CHCHD3: variants seen among roughly 807,000 people sequenced by gnomAD.
CHCHD3 encodes MICOS complex subunit MIC19.
A neutral mutation model predicts 38.2 loss-of-function variants in CHCHD3; 20 were observed. The ratio of observed to expected loss-of-function variants is 0.52; its 90% confidence interval spans 0.37 to 0.76. The LOEUF (loss-of-function observed/expected upper bound fraction) is 0.76, where lower values mean the gene tolerates loss of function less well. Among genes scored for constraint, CHCHD3 ranks in the 30% least tolerant of loss-of-function variants. The probability of loss-of-function intolerance (pLI) is 0.00; values close to 1 mark genes in which losing one functional copy is unlikely to be tolerated. For missense variants in CHCHD3, 245 were observed against 279.2 expected, an observed-to-expected ratio of 0.88 and a Z score of 0.87; for synonymous variants, 82 against 100.0, an observed-to-expected ratio of 0.82 and a Z score of 1.07.
intron 1 of CHCHD3, 86 bp downstream of exon 1, chr7:133,081,771 A>G (rs1248673385): frequency 7.2e-7 from 1 of 1,383,882 alleles, no homozygotes; most frequent in East Asian, 2.5e-5. Context: ...AGGACGGGAG[A>G]AACCCAGGCT....
intron 6 of CHCHD3, among the ~76,000 whole-genome samples, chr7:132,830,146 G>T (rs1045618228): frequency 2.6e-5 from 4 of 152,172 alleles, no homozygotes; most frequent in African/African-American, 9.7e-5. Flanking sequence ...ATTTTAGAAG[G>T]GGGGAAAAAG....
intron 4 of CHCHD3, among the ~76,000 whole-genome samples, chr7:132,916,818 C>T (rs1810117539): frequency 6.6e-6 from 1 of 152,006 alleles, no homozygotes; most frequent in Non-Finnish European, 1.5e-5. Flanking sequence ...GGGACTCAAG[C>T]AGTCCTCCCA....
At chr7:132,968,603 G>A (rs1443034232) in intron 4 of CHCHD3, among the ~76,000 whole-genome samples, 3 of 152,068 alleles carry the variant, frequency 2.0e-5, no homozygotes, top group African/African-American at 7.2e-5. Context: ...TTTTAACAGA[G>A]GTTATAATCC....
At chr7:132,953,969 G>A (rs1322847017) in intron 4 of CHCHD3, among the ~76,000 whole-genome samples, 1 of 152,180 alleles carries the variant, frequency 6.6e-6, no homozygotes, top group Non-Finnish European at 1.5e-5. Flanking sequence ...TGGAAATATG[G>A]AGAAGATTGT....
chr7:132,925,362 G>C (rs780396240), intron 4 of CHCHD3, among the ~76,000 whole-genome samples: 1 of 152,182 alleles, frequency 6.6e-6, no homozygotes, highest in Non-Finnish European at 1.5e-5. Context: ...TGGTACTACT[G>C]TGACTCTGGT....
chr7:132,882,361 C>T (rs1170802663), intron 5 of CHCHD3, among the ~76,000 whole-genome samples: 1 of 151,898 alleles, frequency 6.6e-6, no homozygotes, highest in African/African-American at 2.4e-5. Flanking sequence ...GTATATATTC[C>T]ACCTTAGCTT....
chr7:132,827,912 G>A (rs780521797), intron 6 of CHCHD3, among the ~76,000 whole-genome samples: 6 of 152,112 alleles, frequency 3.9e-5, no homozygotes, highest in South Asian at 4.1e-4. Context: ...AGAAAACTGC[G>A]CTTTTTATCC....
intron 2 of CHCHD3, among the ~76,000 whole-genome samples, chr7:133,053,301 G>A (rs1240149315): frequency 6.6e-6 from 1 of 152,154 alleles, no homozygotes; most frequent in African/African-American, 2.4e-5. Flanking sequence ...TTATTCAATA[G>A]GTGTCTCAGA....
intron 6 of CHCHD3, among the ~76,000 whole-genome samples, chr7:132,805,725 C>A (rs1302781538): frequency 6.6e-6 from 1 of 151,940 alleles, no homozygotes; most frequent in Non-Finnish European, 1.5e-5. Flanking sequence ...TGGAGCAGCA[C>A]CCAGCTATAA....
chr7:133,034,709 A>G, intron 2 of CHCHD3: 1 of 1,613,472 alleles, frequency 6.2e-7, no homozygotes, highest in Non-Finnish European at 8.5e-7. Flanking sequence ...CCTCTCTGCC[A>G]GGATCCAGTT....
Position 132,785,531 on chromosome 7 carries a change from T to C in CHCHD3, c.*106A>G. The C allele has an allele frequency of 9.2e-7, 1 of 1,085,210 alleles. No individual in the cohort carries two copies. The highest frequency in any genetic ancestry group is 1.4e-6 in the Non-Finnish European group (1 of 710,692). The allele number at this position is 1,085,210 out of a possible 1,614,324, so 67.2% of individuals were successfully genotyped here. A position where few individuals can be genotyped will look rare whatever the true frequency, so the allele number is the denominator to read the frequency against. ...TTCTTGATGTCTCTCTTTAGTGGTC[T>C]TCTCATTAGTGGTCTTCTCTTCAAA... On this transcript the variant is annotated 3_prime_UTR_variant, in exon 8 of 8. Transcript: ENST00000262570.
At chr7:132,993,431 A>G (rs1043530613) in intron 3 of CHCHD3, among the ~76,000 whole-genome samples, 1 of 152,240 alleles carries the variant, frequency 6.6e-6, no homozygotes, top group Non-Finnish European at 1.5e-5. Context: ...ATCGTTGTCA[A>G]TGCTACAAAC....
chr7:132,899,768 C>A (rs1033592090), intron 4 of CHCHD3, among the ~76,000 whole-genome samples: 2 of 152,222 alleles, frequency 1.3e-5, no homozygotes, highest in African/African-American at 4.8e-5. Flanking sequence ...GATCACCTCA[C>A]CTTTCTGGAT....
chr7:132,832,202 T>C (rs1807667685), intron 6 of CHCHD3, among the ~76,000 whole-genome samples: 1 of 152,202 alleles, frequency 6.6e-6, no homozygotes, highest in African/African-American at 2.4e-5. Flanking sequence ...TAAAATCACC[T>C]AAACTACTTT....
chr7:132,838,294 T>A, intron 6 of CHCHD3, 105 bp downstream of exon 6: 1 of 707,922 alleles, frequency 1.4e-6, no homozygotes, highest in Non-Finnish European at 2.4e-6. Flanking sequence ...CTTCCAAGTA[T>A]TCTAGAGTGC....
At chr7:132,898,225 G>A (rs1184432791) in intron 4 of CHCHD3, among the ~76,000 whole-genome samples, 3 of 152,168 alleles carry the variant, frequency 2.0e-5, no homozygotes, top group East Asian at 1.9e-4. Context: ...AAAGGGACCC[G>A]AGCGGGTTGC....
At chr7:133,037,725 A>T (rs1212660534) in intron 2 of CHCHD3, among the ~76,000 whole-genome samples, 1 of 152,158 alleles carries the variant, frequency 6.6e-6, no homozygotes, top group Non-Finnish European at 1.5e-5. Context: ...AGGCAGGAGA[A>T]TTGCTCAAAC....
At chr7:132,963,169 T>A (rs767816099) in intron 4 of CHCHD3, among the ~76,000 whole-genome samples, 198 of 148,648 alleles carry the variant, frequency 1.3e-3, no homozygotes, top group Non-Finnish European at 1.6e-3. Context: ...TATATATATA[T>A]AATATATGTA....
In CHCHD3 at chr7:132,985,994, G is replaced by A. The variant is rs536018627; in HGVS notation, c.252-10708C>T. Among the ~76,000 whole-genome samples the A allele has an allele frequency of 6.8e-3, 1,031 of 151,842 alleles. 2 individuals are homozygous for A. Among genetic ancestry groups the A allele is most frequent in the Non-Finnish European group, 0.012 (803 of 67,882 alleles). The stretch of plus-strand genomic sequence containing the variant: ...AAGGTGGGGAAAAGATTGAGAAATC[G>A]GATGGTTGCCATGTCTGTGTAGAAA... On this transcript the variant is annotated intron_variant, in intron 3 of 7. Transcript: ENST00000262570.
Sources: allele counts gnomAD v4.1 joint callset (sites outside exome capture counted in the v4.1 genomes callset), GRCh38; gene constraint gnomAD v4.1.1; transcripts MANE v1.5; gene names NCBI Gene and HGNC (gene_info 2026-07-23, HGNC 2026-07-21).